The following TSPAN7 variants were observed in gnomAD, a reference collection of about 807,000 sequenced individuals.
The protein encoded by TSPAN7 is tetraspanin-7.
Under a neutral mutation model 17.6 loss-of-function variants are expected in TSPAN7, and 1 was observed. The observed-to-expected ratio is 0.06, with a 90% CI of 0.02 to 0.27. The LOEUF is 0.27. Among genes scored for constraint, TSPAN7 ranks in the 10% least tolerant of loss-of-function variants. TSPAN7 has a pLI of 1.00. For synonymous variants in TSPAN7, 78 were observed against 79.0 expected (o/e 0.99, Z 0.07); for missense variants, 112 against 201.7 (o/e 0.56, Z 2.69).
intron 1 of TSPAN7, among the ~76,000 whole-genome samples, chrX:38,626,240 G>T (rs35789984): frequency 1.6e-3 from 184 of 111,650 alleles, no homozygotes; most frequent in Non-Finnish European, 2.5e-3. Context: ...ATGGGAGTAG[G>T]TGGCAGACAT....
At chrX:38,686,045 G>A (rs1047575468) in intron 6 of TSPAN7, among the ~76,000 whole-genome samples, 3 of 112,310 alleles carry the variant, frequency 2.7e-5, no homozygotes, top group African/African-American at 6.5e-5. Context: ...GTTCAAGGTC[G>A]TTACACTCAT....
At position 38,663,182 on chromosome X, in the gene TSPAN7, GACAC is replaced by G. The variant is rs372769275; in HGVS notation, c.82-2924_82-2921del. 1.8e-3 allele frequency among the ~76,000 whole-genome samples: 153 copies of G among 83,889 alleles called. No homozygotes were observed. In the Middle Eastern group the frequency reaches 0.018, roughly 10 times the overall value. 72.8% of individuals were successfully genotyped at this position (83,889 alleles called of 115,157 possible). On this transcript the variant is annotated intron_variant, in intron 1 of 7. Coordinates refer to ENST00000378482, the MANE Select transcript of TSPAN7 (RefSeq NM_004615.4). ...ACACACACACACACACACACACACAGACACACACACACACACACCATGGAATGCT... is the reference window on the plus strand; with the variant it reads ...ACACACACACACACACACACACACAGACACACACACACACCATGGAATGCT...
chrX:38,571,805 C>A (rs750884952), intron 1 of TSPAN7, among the ~76,000 whole-genome samples: 2 of 110,732 alleles, frequency 1.8e-5, no homozygotes, highest in Non-Finnish European at 3.8e-5. Flanking sequence ...GGCTGTGATG[C>A]CATTTGATAT....
At chrX:38,626,546 A>G (rs2069523881) in intron 1 of TSPAN7, among the ~76,000 whole-genome samples, 2 of 111,332 alleles carry the variant, frequency 1.8e-5, no homozygotes, top group Admixed American at 9.5e-5. Context: ...CCTCCTGGCA[A>G]TGAGTGTGTT....
At chrX:38,659,209 G>A (rs925517103) in intron 1 of TSPAN7, among the ~76,000 whole-genome samples, 6 of 111,399 alleles carry the variant, frequency 5.4e-5, no homozygotes, top group South Asian at 3.8e-4. Context: ...AAATTTTTGC[G>A]TGTCTGTGTA....
intron 1 of TSPAN7, among the ~76,000 whole-genome samples, chrX:38,617,676 G>A (rs1453319933): frequency 8.9e-6 from 1 of 112,192 alleles, no homozygotes. Flanking sequence ...GGTCAGGCAG[G>A]AAGACTTCAT....
intron 1 of TSPAN7, among the ~76,000 whole-genome samples, chrX:38,660,754 T>C (rs932485562): frequency 2.7e-5 from 3 of 112,385 alleles, no homozygotes; most frequent in African/African-American, 9.7e-5. Context: ...GATACAGTGC[T>C]TTCTATTCCA....
chrX:38,681,887 A>G (rs1438488836), intron 6 of TSPAN7, among the ~76,000 whole-genome samples: 1 of 112,052 alleles, frequency 8.9e-6, no homozygotes, highest in African/African-American at 3.2e-5. Context: ...TGGGAGAAGT[A>G]CTATGCCAAT....
At chrX:38,647,465 A>G (rs988810228) in intron 1 of TSPAN7, among the ~76,000 whole-genome samples, 1 of 111,797 alleles carries the variant, frequency 8.9e-6, no homozygotes, top group African/African-American at 3.3e-5. Flanking sequence ...TTTTAACACT[A>G]TTACTTTCTA....
At chrX:38,650,890 G>T (rs7056724) in intron 1 of TSPAN7, among the ~76,000 whole-genome samples, 24,204 of 109,486 alleles carry the variant, frequency 0.22, 3,508 homozygotes, top group African/African-American at 0.52. Context: ...CTCTCTAGCC[G>T]TTTTTACATG....
At chrX:38,685,954 G>T (rs1260365637) in intron 6 of TSPAN7, among the ~76,000 whole-genome samples, 1 of 111,913 alleles carries the variant, frequency 8.9e-6, no homozygotes, top group African/African-American at 3.3e-5. Context: ...ACACTTATTT[G>T]ATTTTTGACA....
chrX:38,621,857 T>TA (rs1378495658), intron 1 of TSPAN7, among the ~76,000 whole-genome samples: 3 of 112,504 alleles, frequency 2.7e-5, no homozygotes, highest in Non-Finnish European at 5.6e-5. Flanking sequence ...CTGTCCCACT[T>TA]AGTTTTGCTG....
At chrX:38,669,439 G>T (rs1279883505) in intron 2 of TSPAN7, among the ~76,000 whole-genome samples, 2 of 111,618 alleles carry the variant, frequency 1.8e-5, no homozygotes, top group African/African-American at 6.5e-5. Flanking sequence ...TTGAACCCTT[G>T]TATGTTTCCT....
Position 38,628,466 on chromosome X carries a change from G to A in TSPAN7, c.82-37655G>A, listed in dbSNP as rs57687035. Among the ~76,000 whole-genome samples, 1,073 of 111,567 alleles carry A rather than the reference G, an allele frequency of 9.6e-3. 11 individuals carry two copies. Among genetic ancestry groups the A allele is most frequent in the African/African-American group, 0.031 (964 of 30,681 alleles). ...ACTGAGCAGGGAAAGAGTCCTTACC[G>A]GTGCATAGTGGGCAGAGTATAGTAC... is the stretch of plus-strand genomic sequence containing the variant. On this transcript the variant is annotated intron_variant, in intron 1 of 7. Transcript: ENST00000378482.
intron 1 of TSPAN7, among the ~76,000 whole-genome samples, chrX:38,564,275 A>T: frequency 9.0e-6 from 1 of 111,576 alleles, no homozygotes; most frequent in Non-Finnish European, 1.9e-5. Flanking sequence ...TTCACTCAGC[A>T]TAATTACTTC....
chrX:38,627,668 C>A (rs2069529115), intron 1 of TSPAN7, among the ~76,000 whole-genome samples: 1 of 111,619 alleles, frequency 9.0e-6, no homozygotes, highest in African/African-American at 3.3e-5. Context: ...TGTCTCAAAC[C>A]CCTGCCAAAG....
chrX:38,684,439 G>A (rs772898045), intron 6 of TSPAN7, among the ~76,000 whole-genome samples: 12 of 111,352 alleles, frequency 1.1e-4, no homozygotes, highest in South Asian at 3.8e-4. Flanking sequence ...CCTCTTCGCT[G>A]CATCTTTGGC....
chrX:38,645,896 A>G (rs2069642495), intron 1 of TSPAN7, among the ~76,000 whole-genome samples: 1 of 108,252 alleles, frequency 9.2e-6, no homozygotes, highest in Non-Finnish European at 1.9e-5. Context: ...CCTGTTTACC[A>G]GACCTGAATG....
At chrX:38,646,168 A>G in intron 1 of TSPAN7, 1 of 865,397 alleles carries the variant, frequency 1.2e-6, no homozygotes, top group Non-Finnish European at 1.5e-6. Flanking sequence ...CTGTAAATAC[A>G]TTAAAACTCT....
Sources: gnomAD v4.1 joint callset for allele counts (sites outside exome capture counted in the v4.1 genomes callset) on GRCh38, gnomAD v4.1.1 for gene constraint, MANE v1.5 for transcripts, NCBI Gene and HGNC (gene_info 2026-07-23, HGNC 2026-07-21) for gene names.